The following BTBD9 variants were observed in gnomAD, a reference collection of about 807,000 sequenced individuals.
BTBD9 encodes BTB/POZ domain-containing protein 9.
BTBD9 carries 49 observed loss-of-function variants against 64.3 expected under a neutral mutation model. The observed-to-expected ratio is 0.76, with a 90% CI of 0.61 to 0.97. The LOEUF (loss-of-function observed/expected upper bound fraction) is 0.97, where lower values mean the gene tolerates loss of function less well. BTBD9 is among the 50% of genes least tolerant of loss of function. The pLI is 0.00. For missense variants in BTBD9, 598 were observed against 762.1 expected, an observed-to-expected ratio of 0.78 and a Z score of 2.53; for synonymous variants, 260 against 274.7, an observed-to-expected ratio of 0.95 and a Z score of 0.53.
intron 6 of BTBD9, among the ~76,000 whole-genome samples, chr6:38,552,716 A>C (rs1345597506): frequency 6.6e-6 from 1 of 151,754 alleles, no homozygotes; most frequent in Non-Finnish European, 1.5e-5. Context: ...GTAGTGAGCC[A>C]AGGTCATGCC....
At chr6:38,411,437 C>T (rs1042929832) in intron 6 of BTBD9, among the ~76,000 whole-genome samples, 5 of 152,082 alleles carry the variant, frequency 3.3e-5, no homozygotes, top group Admixed American at 6.5e-5. Context: ...GAGGCAACAA[C>T]GCAAATCAGG....
intron 6 of BTBD9, among the ~76,000 whole-genome samples, chr6:38,417,948 AT>A (rs1480729206): frequency 6.6e-6 from 1 of 152,180 alleles, no homozygotes; most frequent in Non-Finnish European, 1.5e-5. Context: ...AAAGGGGAAG[AT>A]TTTTTAAAAG....
rs113375301 is a variant in BTBD9, at chr6:38,627,687, C to G, written c.-28+12113G>C. The stretch of plus-strand genomic sequence containing the variant: ...ACTTAATTTCCACTGTAAATGCTGT[C>G]ATATTTTAAAATTTTGTACCATTTT... On this transcript the variant is annotated intron_variant, in intron 1 of 10. Transcript: ENST00000481247. Among the ~76,000 whole-genome samples the G allele has an allele frequency of 5.8e-3, 886 of 152,144 alleles. 22 individuals carry two copies. Among genetic ancestry groups the G allele is most frequent in the African/African-American group, 0.02 (847 of 41,492 alleles).
intron 6 of BTBD9, among the ~76,000 whole-genome samples, chr6:38,398,083 G>C (rs1223439511): frequency 6.6e-6 from 1 of 152,154 alleles, no homozygotes; most frequent in African/African-American, 2.4e-5. Context: ...GTGAAGAGGA[G>C]CCCTGAGAAG....
At chr6:38,294,308 T>C (rs1001028306) in intron 7 of BTBD9, among the ~76,000 whole-genome samples, 1 of 152,196 alleles carries the variant, frequency 6.6e-6, no homozygotes, top group Non-Finnish European at 1.5e-5. Context: ...CCCAGCCATC[T>C]CATTACTGGG....
intron 6 of BTBD9, among the ~76,000 whole-genome samples, chr6:38,431,882 C>A (rs989467467): frequency 6.6e-6 from 1 of 151,954 alleles, no homozygotes; most frequent in South Asian, 2.1e-4. Context: ...TTTAACCCTG[C>A]GACATGGCCT....
chr6:38,473,460 C>T lies in BTBD9; in HGVS notation c.1154+104140G>A, dbSNP rs115964641. 8.0e-3 allele frequency among the ~76,000 whole-genome samples: 1,219 copies of T among 152,280 alleles called. 12 individuals carry two copies. The highest frequency in any genetic ancestry group is 0.027 in the African/African-American group (1,139 of 41,542). On this transcript the variant is annotated intron_variant, in intron 6 of 10. Coordinates refer to ENST00000481247, the MANE Select transcript of BTBD9 (RefSeq NM_001099272.2). ...TCATTTCTTTCCCAATCTGACTTAT[C>T]TCTTTGCCTATTTCTGTCAGTGCTA...
intron 7 of BTBD9, among the ~76,000 whole-genome samples, chr6:38,332,459 A>C (rs1418170864): frequency 6.6e-6 from 1 of 152,138 alleles, no homozygotes; most frequent in African/African-American, 2.4e-5. Context: ...ATATTCTTAC[A>C]CATACTGGGA....
intron 6 of BTBD9, among the ~76,000 whole-genome samples, chr6:38,410,959 T>C (rs1767399999): frequency 6.6e-6 from 1 of 152,036 alleles, no homozygotes; most frequent in Non-Finnish European, 1.5e-5. Flanking sequence ...GTCCAACCTC[T>C]CTCTCTTGTG....
At chr6:38,341,646 T>C (rs565089796) in intron 7 of BTBD9, among the ~76,000 whole-genome samples, 6 of 152,356 alleles carry the variant, frequency 3.9e-5, no homozygotes, top group South Asian at 2.1e-4. Flanking sequence ...ATACATTCTT[T>C]GGGAGGTTGA....
chr6:38,589,383 A>G (rs1431501954), intron 4 of BTBD9, among the ~76,000 whole-genome samples: 5 of 152,232 alleles, frequency 3.3e-5, no homozygotes, highest in African/African-American at 1.2e-4. Context: ...TAATGAATCC[A>G]GTTCTAGGGC....
Position 38,583,573 on chromosome 6 carries a change from T to C in BTBD9, c.815-3136A>G, listed in dbSNP as rs112964265. Among the ~76,000 whole-genome samples, 99 of 152,306 alleles carry C rather than the reference T, an allele frequency of 6.5e-4. 1 individual carries two copies. Among genetic ancestry groups the C allele is most frequent in the Non-Finnish European group, 1.1e-3 (78 of 68,032 alleles). On this transcript the variant is annotated intron_variant, in intron 4 of 10. Coordinates refer to ENST00000481247, the MANE Select transcript of BTBD9 (RefSeq NM_001099272.2). ...TCAGATTTAGAATCTAATGCCACTT[T>C]TGGATTTTCTCTAAACATAAGTTTC...
chr6:38,360,711 C>T (rs149707094), intron 6 of BTBD9, among the ~76,000 whole-genome samples: 1 of 152,096 alleles, frequency 6.6e-6, no homozygotes, highest in East Asian at 1.9e-4. Context: ...ACCCTAGGAC[C>T]CTAGGAAGAC....
At position 38,403,755 on chromosome 6, in the gene BTBD9, T is replaced by C. The variant is rs149877906; in HGVS notation, c.1155-58662A>G. On this transcript the variant is annotated intron_variant, in intron 6 of 10. Coordinates refer to ENST00000481247, the MANE Select transcript of BTBD9 (RefSeq NM_001099272.2). ...TATACTCAAGGGATCTGAAAACATA[T>C]GTCCATACAAGAACATGTACATAAA... is the stretch of plus-strand genomic sequence containing the variant. 6.1e-3 allele frequency among the ~76,000 whole-genome samples: 926 copies of C among 152,320 alleles called. 9 individuals carry two copies. The highest frequency in any genetic ancestry group is 0.021 in the African/African-American group (889 of 41,562).
At chr6:38,216,769 T>G (rs1763021134) in intron 9 of BTBD9, among the ~76,000 whole-genome samples, 1 of 152,210 alleles carries the variant, frequency 6.6e-6, no homozygotes, top group Admixed American at 6.5e-5. Flanking sequence ...AGTGATGCTC[T>G]AGTCCAGGGC....
At chr6:38,630,447 G>A (rs754493593) in intron 1 of BTBD9, among the ~76,000 whole-genome samples, 27 of 152,274 alleles carry the variant, frequency 1.8e-4, no homozygotes, top group South Asian at 1.0e-3. Context: ...CTTGTTTTTA[G>A]GAAATGCACA....
chr6:38,480,886 T>C (rs919044251), intron 6 of BTBD9, among the ~76,000 whole-genome samples: 13 of 152,102 alleles, frequency 8.5e-5, no homozygotes, highest in Non-Finnish European at 1.6e-4. Flanking sequence ...CACTAAGAGA[T>C]AGTGGGTATG....
chr6:38,502,111 G>T (rs968344376), intron 6 of BTBD9, among the ~76,000 whole-genome samples: 3 of 152,206 alleles, frequency 2.0e-5, no homozygotes, highest in African/African-American at 7.2e-5. Context: ...AGATGCTGAT[G>T]CTGGACACCT....
chr6:38,606,495 A>C (rs905968909), intron 1 of BTBD9, among the ~76,000 whole-genome samples: 1 of 131,810 alleles, frequency 7.6e-6, no homozygotes, highest in African/African-American at 2.5e-5. Context: ...GTGACCTTTG[A>C]TTATTTTAAA....
Sources: gnomAD v4.1 joint callset for allele counts (sites outside exome capture counted in the v4.1 genomes callset) on GRCh38, gnomAD v4.1.1 for gene constraint, MANE v1.5 for transcripts, NCBI Gene and HGNC (gene_info 2026-07-23, HGNC 2026-07-21) for gene names.